Variants in TTLL11 observed in about 807,000 individuals in gnomAD.
TTLL11 encodes tubulin polyglutamylase TTLL11.
TTLL11 carries 42 observed loss-of-function variants against 51.7 expected under a neutral mutation model. The ratio of observed to expected loss-of-function variants is 0.81; its 90% CI spans 0.64 to 1.05. The LOEUF is 1.05. Among genes scored for constraint, TTLL11 ranks in the 50% least tolerant of loss-of-function variants. The probability of loss-of-function intolerance (pLI) is 0.00; values close to 1 mark genes in which losing one functional copy is unlikely to be tolerated. For synonymous variants in TTLL11, 381 were observed against 383.5 expected, an observed-to-expected ratio of 0.99 and a Z score of 0.08; for missense variants, 799 against 940.4, an observed-to-expected ratio of 0.85 and a Z score of 1.97.
chr9:122,081,875 A>G (rs1846011349), intron 1 of TTLL11, among the ~76,000 whole-genome samples: 1 of 152,252 alleles, frequency 6.6e-6, no homozygotes, highest in African/African-American at 2.4e-5. Flanking sequence ...AAAAACATAA[A>G]CAAAACAATC....
intron 8 of TTLL11, among the ~76,000 whole-genome samples, chr9:121,845,827 C>T (rs1837499911): frequency 6.6e-6 from 1 of 151,900 alleles, no homozygotes; most frequent in Admixed American, 6.6e-5. Context: ...TCTATTAAAA[C>T]CAGAAAAGGC....
At chr9:122,064,862 A>C (rs1050078931) in intron 1 of TTLL11, among the ~76,000 whole-genome samples, 6 of 152,108 alleles carry the variant, frequency 3.9e-5, no homozygotes, top group Non-Finnish European at 8.8e-5. Flanking sequence ...AGATTAGAAC[A>C]CTCAGTTATG....
chr9:121,994,852 C>G (rs1237224189), intron 3 of TTLL11, among the ~76,000 whole-genome samples: 1 of 152,112 alleles, frequency 6.6e-6, no homozygotes, highest in Non-Finnish European at 1.5e-5. Context: ...CAGGAAAAGT[C>G]CAAACTGAGG....
intron 3 of TTLL11, among the ~76,000 whole-genome samples, chr9:122,006,467 G>C (rs1156870530): frequency 6.6e-6 from 1 of 151,068 alleles, no homozygotes; most frequent in Non-Finnish European, 1.5e-5. Context: ...CATGGTATTT[G>C]AGTCACTCAT....
chr9:121,878,526 G>C (rs1838654353), intron 6 of TTLL11, among the ~76,000 whole-genome samples: 1 of 152,180 alleles, frequency 6.6e-6, no homozygotes, highest in Non-Finnish European at 1.5e-5. Context: ...TGCCAGGCCT[G>C]GGGTTGCTGC....
chr9:121,981,859 C>G (rs553857542), intron 4 of TTLL11, among the ~76,000 whole-genome samples: 1 of 152,338 alleles, frequency 6.6e-6, no homozygotes, highest in East Asian at 1.9e-4. Flanking sequence ...AGACTCTTCA[C>G]TCTGTTCGGG....
chr9:122,031,911 A>G, intron 2 of TTLL11, 55 bp from the exon 3 acceptor site: 1 of 1,564,750 alleles, frequency 6.4e-7, no homozygotes, highest in Non-Finnish European at 8.7e-7. Context: ...TAGCTATAAA[A>G]CAGCCATTAT....
intron 6 of TTLL11, among the ~76,000 whole-genome samples, chr9:121,964,579 G>A (rs1842343496): frequency 6.6e-6 from 1 of 152,160 alleles, no homozygotes; most frequent in Admixed American, 6.5e-5. Flanking sequence ...TTACAGGTGT[G>A]AGCCACCGTG....
At chr9:121,874,175 G>GT (rs926199289) in intron 6 of TTLL11, among the ~76,000 whole-genome samples, 4 of 151,768 alleles carry the variant, frequency 2.6e-5, no homozygotes, top group East Asian at 1.9e-4. Context: ...TAATTTTTAA[G>GT]TTTTTTTTGT....
At chr9:121,996,855 C>T (rs771015053) in intron 3 of TTLL11, among the ~76,000 whole-genome samples, 3 of 152,212 alleles carry the variant, frequency 2.0e-5, no homozygotes, top group Non-Finnish European at 2.9e-5. Flanking sequence ...ATTGCCAACT[C>T]TCCACTCTAT....
intron 3 of TTLL11, among the ~76,000 whole-genome samples, chr9:122,021,116 T>TAAAC (rs35056666): frequency 0.44 from 66,172 of 151,746 alleles, 16,343 homozygotes; most frequent in African/African-American, 0.68. Context: ...CAAAATATGT[T>TAAAC]AACAGTTTTG....
At chr9:121,964,966 C>T (rs1248664567) in intron 6 of TTLL11, among the ~76,000 whole-genome samples, 1 of 152,170 alleles carries the variant, frequency 6.6e-6, no homozygotes, top group Non-Finnish European at 1.5e-5. Flanking sequence ...CTTGCCACCC[C>T]TACTGGCTGG....
chr9:121,848,665 CAAAAT>C (rs1446811896), intron 8 of TTLL11, among the ~76,000 whole-genome samples: 2 of 151,698 alleles, frequency 1.3e-5, no homozygotes, highest in Non-Finnish European at 1.5e-5. Flanking sequence ...ACATTAGCAC[CAAAAT>C]AAAATAAAAT....
intron 3 of TTLL11, among the ~76,000 whole-genome samples, chr9:122,009,499 T>C (rs1843740323): frequency 6.6e-6 from 1 of 151,836 alleles, no homozygotes; most frequent in South Asian, 2.1e-4. Context: ...ACATTACTTA[T>C]TGTTCTCTAT....
At chr9:121,919,143 C>T (rs1205014090) in intron 6 of TTLL11, among the ~76,000 whole-genome samples, 2 of 152,182 alleles carry the variant, frequency 1.3e-5, no homozygotes, top group Non-Finnish European at 2.9e-5. Context: ...ACATATTTTA[C>T]AAGATCAGAA....
At chr9:121,961,741 G>A (rs1842230892) in intron 6 of TTLL11, among the ~76,000 whole-genome samples, 1 of 152,154 alleles carries the variant, frequency 6.6e-6, no homozygotes, top group African/African-American at 2.4e-5. Context: ...ATGAGAAAGG[G>A]GCAATAACTG....
chr9:121,916,033 A>T lies in TTLL11; in HGVS notation c.1482-45285T>A, dbSNP rs537854917. Among the ~76,000 whole-genome samples the T allele has an allele frequency of 9.6e-3, 1,300 of 135,704 alleles. 20 individuals carry two copies. The highest frequency in any genetic ancestry group is 0.033 in the African/African-American group (1,263 of 38,544). 89.0% of individuals were successfully genotyped at this position (135,704 alleles called of 152,430 possible). A position where few individuals can be genotyped will look rare whatever the true frequency, so the allele number is the denominator to read the frequency against. ...CACACACACACACACACACACACACACTGAGGGGGTTCCTGGCAATGTTGT... is the reference window on the plus strand; with the variant it reads ...CACACACACACACACACACACACACTCTGAGGGGGTTCCTGGCAATGTTGT... On this transcript the variant is annotated intron_variant, in intron 6 of 8. Coordinates refer to ENST00000321582, the MANE Select transcript of TTLL11 (RefSeq NM_001139442.2).
intron 8 of TTLL11, among the ~76,000 whole-genome samples, chr9:121,826,827 A>C (rs899086602): frequency 2.6e-5 from 4 of 151,808 alleles, no homozygotes; most frequent in Non-Finnish European, 5.9e-5. Context: ...TTGCAGAATG[A>C]GGAGGGCTTG....
chr9:122,050,358 G>A (rs17263380), intron 1 of TTLL11, among the ~76,000 whole-genome samples: 7,169 of 152,236 alleles, frequency 0.047, 347 homozygotes, highest in Admixed American at 0.12. Flanking sequence ...TGCGGTGTGC[G>A]TGCACTTGGG....
Sources: allele counts gnomAD v4.1 joint callset (sites outside exome capture counted in the v4.1 genomes callset), GRCh38; gene constraint gnomAD v4.1.1; transcripts MANE v1.5; gene names NCBI Gene and HGNC (gene_info 2026-07-23, HGNC 2026-07-21).